ULK4: variants seen among roughly 807,000 people sequenced by gnomAD.
ULK4 encodes unc-51 like kinase 4.
In ULK4, 133 loss-of-function variants were observed where a neutral mutation model predicts 160.6. The ratio of observed to expected loss-of-function variants is 0.83; its 90% CI spans 0.72 to 0.96. The LOEUF (loss-of-function observed/expected upper bound fraction) is 0.96, where lower values mean the gene tolerates loss of function less well. Ranked by LOEUF, ULK4 falls within the 40% of genes least tolerant of loss-of-function variation. The pLI is 0.00. For missense variants in ULK4, 1,580 were observed against 1,499.5 expected (o/e 1.05, Z -0.89); for synonymous variants, 534 against 539.8 (o/e 0.99, Z 0.15).
chr3:41,305,377 C>G (rs998956932), intron 35 of ULK4, among the ~76,000 whole-genome samples: 3 of 152,310 alleles, frequency 2.0e-5, no homozygotes, highest in African/African-American at 4.8e-5. Context: ...ATTGCAGGCT[C>G]GAGCCGCCAC....
At chr3:41,875,165 C>T (rs755971387) in intron 17 of ULK4, among the ~76,000 whole-genome samples, 3 of 152,056 alleles carry the variant, frequency 2.0e-5, no homozygotes, top group African/African-American at 7.2e-5. Flanking sequence ...GGCAACAGAG[C>T]GAGACCCTGC....
rs78867488 is a variant in ULK4, at chr3:41,945,619, G to A, written c.139-7422C>T. 8.4e-3 allele frequency among the ~76,000 whole-genome samples: 1,286 copies of A among 152,222 alleles called. 14 individuals carry two copies. Among genetic ancestry groups the A allele is most frequent in the African/African-American group, 0.03 (1,237 of 41,512 alleles). The stretch of plus-strand genomic sequence containing the variant: ...TAATGTCTATATGCTGATGACATAT[G>A]AATTTGACATATAAAGATACACAGC... On this transcript the variant is annotated intron_variant, in intron 2 of 36. Coordinates refer to ENST00000301831, the MANE Select transcript of ULK4 (RefSeq NM_017886.4).
chr3:41,750,636 C>T (rs1041423982), intron 22 of ULK4, among the ~76,000 whole-genome samples: 7 of 152,074 alleles, frequency 4.6e-5, no homozygotes, highest in African/African-American at 1.2e-4. Flanking sequence ...CTGCCTTCTC[C>T]GTAGAGTTTT....
intron 21 of ULK4, among the ~76,000 whole-genome samples, chr3:41,772,006 C>T (rs1365560784): frequency 2.0e-5 from 3 of 152,138 alleles, no homozygotes; most frequent in Non-Finnish European, 4.4e-5. Flanking sequence ...AGCAAGCATG[C>T]TCACTCTGGT....
At chr3:41,810,701 T>C (rs189617798) in intron 19 of ULK4, among the ~76,000 whole-genome samples, 42 of 152,324 alleles carry the variant, frequency 2.8e-4, no homozygotes, top group African/African-American at 9.9e-4. Context: ...GTAAGATAAA[T>C]AGATATAAAA....
intron 35 of ULK4, among the ~76,000 whole-genome samples, chr3:41,396,253 G>A (rs2082058770): frequency 6.6e-6 from 1 of 151,846 alleles, no homozygotes; most frequent in South Asian, 2.1e-4. Context: ...TGCTTATGAT[G>A]TCATTGCCTG....
chr3:41,615,652 C>T lies in ULK4; in HGVS notation c.3120+17G>A. The stretch of plus-strand genomic sequence containing the variant: ...CAAAATTTCATTTGAATTTCAAATG[C>T]ACATTTCCGTTCTTACCAGAGTTAC... On this transcript the variant is annotated intron_variant, in intron 31 of 36. Coordinates refer to ENST00000301831, the MANE Select transcript of ULK4 (RefSeq NM_017886.4). 1 of 1,611,172 alleles carries T rather than the reference C, an allele frequency of 6.2e-7. No individual in the cohort carries two copies. Among genetic ancestry groups the T allele is most frequent in the South Asian group, 1.1e-5 (1 of 90,440 alleles).
At chr3:41,300,976 C>T (rs1460044523) in intron 35 of ULK4, among the ~76,000 whole-genome samples, 1 of 149,082 alleles carries the variant, frequency 6.7e-6, no homozygotes, top group African/African-American at 2.5e-5. Flanking sequence ...TCATAAAAGA[C>T]TGTTAGGTGT....
In ULK4 at chr3:41,898,452, A is replaced by G; in HGVS notation, c.1328T>C (p.Leu443Ser). The change falls in exon 14 of 37, where the codon TTG becomes TCG. Residue 443 changes from leucine to serine, a missense_variant. Physicochemically the swap from Leu to Ser is moderately radical, Grantham distance 145 (BLOSUM62 -2). Coordinates refer to ENST00000301831, the MANE Select transcript of ULK4 (RefSeq NM_017886.4). ...QPPVKFDAKILHLPTYSVDKL... is the reference protein window; with the variant it reads ...QPPVKFDAKISHLPTYSVDKL... ...CCTACCTGAATATGTTGGTAGATGCAATATTTTTGCATCAAATTTAACTGG... is the reference window on the plus strand; with the variant it reads ...CCTACCTGAATATGTTGGTAGATGCGATATTTTTGCATCAAATTTAACTGG... The G allele has an allele frequency of 1.2e-6, 2 of 1,600,526 alleles. No homozygotes were observed. The highest frequency in any genetic ancestry group is 1.3e-5 in the African/African-American group (1 of 74,464).
At chr3:41,710,992 G>A (rs774270494) in intron 25 of ULK4, among the ~76,000 whole-genome samples, 1 of 152,212 alleles carries the variant, frequency 6.6e-6, no homozygotes, top group South Asian at 2.1e-4. Context: ...GTGGTGGGCC[G>A]ACAAGCGGAT....
chr3:41,937,605 T>C (rs1439984936), intron 3 of ULK4, among the ~76,000 whole-genome samples: 2 of 151,914 alleles, frequency 1.3e-5, no homozygotes, highest in Non-Finnish European at 2.9e-5. Context: ...AGATAATATG[T>C]ATTTAGTCAC....
At chr3:41,508,994 G>T (rs893312552) in intron 32 of ULK4, among the ~76,000 whole-genome samples, 1 of 152,000 alleles carries the variant, frequency 6.6e-6, no homozygotes, top group African/African-American at 2.4e-5. Context: ...GCCAGAAAAA[G>T]AACTCAGAAG....
intron 22 of ULK4, 42 bp downstream of exon 22, chr3:41,754,319 C>T (rs2038722846): frequency 6.3e-7 from 1 of 1,587,520 alleles, no homozygotes; most frequent in South Asian, 1.2e-5. Context: ...ACAACAGGCA[C>T]TAAATTGAAG....
intron 32 of ULK4, among the ~76,000 whole-genome samples, chr3:41,534,353 C>G (rs184368186): frequency 6.6e-6 from 1 of 152,154 alleles, no homozygotes; most frequent in African/African-American, 2.4e-5. Flanking sequence ...GCTGGTAAAA[C>G]CGAAGCTGGA....
intron 32 of ULK4, among the ~76,000 whole-genome samples, chr3:41,526,201 A>G (rs1565960): frequency 0.84 from 126,992 of 152,076 alleles, 54,459 homozygotes; most frequent in Non-Finnish European, 0.94. Flanking sequence ...TTTTTCTCTT[A>G]TATTATTTGT....
At chr3:41,734,288 T>G (rs1350559519) in intron 22 of ULK4, among the ~76,000 whole-genome samples, 1 of 152,074 alleles carries the variant, frequency 6.6e-6, no homozygotes, top group Non-Finnish European at 1.5e-5. Context: ...ACTCAGAAGT[T>G]TGGGTTTGAG....
At chr3:41,364,812 ACT>A (rs1377171503) in intron 35 of ULK4, among the ~76,000 whole-genome samples, 1 of 152,144 alleles carries the variant, frequency 6.6e-6, no homozygotes, top group African/African-American at 2.4e-5. Flanking sequence ...GAAAAGTGAA[ACT>A]CTCAGATACA....
chr3:41,500,224 G>GT (rs34408113), intron 32 of ULK4, among the ~76,000 whole-genome samples: 18,794 of 138,392 alleles, frequency 0.14, 1,469 homozygotes, highest in Admixed American at 0.19. Context: ...TTCCTTCAGG[G>GT]TTTTTTTTTT....
At chr3:41,951,832 T>G (rs1467120209) in intron 2 of ULK4, among the ~76,000 whole-genome samples, 1 of 152,226 alleles carries the variant, frequency 6.6e-6, no homozygotes, top group Non-Finnish European at 1.5e-5. Flanking sequence ...GGGGCCTGTT[T>G]TCCTCTTCTG....
Sources: allele counts gnomAD v4.1 joint callset (sites outside exome capture counted in the v4.1 genomes callset), GRCh38; gene constraint gnomAD v4.1.1; transcripts MANE v1.5; gene names NCBI Gene and HGNC (gene_info 2026-07-23, HGNC 2026-07-21).